MAPK10: variants seen among roughly 807,000 people sequenced by gnomAD.
MAPK10 encodes mitogen-activated protein kinase 10, also known as JNK3 alpha protein kinase.
MAPK10 carries 25 observed loss-of-function variants against 59.3 expected under a neutral mutation model. The ratio of observed to expected loss-of-function variants is 0.42; its 90% CI spans 0.31 to 0.59. The LOEUF (loss-of-function observed/expected upper bound fraction) is 0.59, where lower values mean the gene tolerates loss of function less well. MAPK10 is among the 20% of genes least tolerant of loss of function. The pLI is 0.15. For synonymous variants in MAPK10, 190 were observed against 200.5 expected (o/e 0.95, Z 0.44); for missense variants, 351 against 568.9 (o/e 0.62, Z 3.90).
upstream of MAPK10, among the ~76,000 whole-genome samples, chr4:86,456,809 A>G (rs971007258): frequency 2.0e-5 from 3 of 152,218 alleles, no homozygotes; most frequent in African/African-American, 4.8e-5. Context: ...TCATTCTATG[A>G]AGCCAGTATC....
At position 86,012,584 on chromosome 4, in the gene MAPK10, C is replaced by T. The variant is rs1162819743; in HGVS notation, c.*4644G>A. The T allele has an allele frequency of 6.6e-6, 1 of 152,148 alleles. No individual in the cohort carries two copies. Among genetic ancestry groups the T allele is most frequent in the East Asian group, 1.9e-4 (1 of 5,206 alleles). 9.4% of individuals were successfully genotyped at this position (152,148 alleles called of 1,614,324 possible). The stretch of plus-strand genomic sequence containing the variant: ...ATTACCTAAAAAGAGTCAAAAGAAG[C>T]AGAAGTTCTCCCCCGATTCATCCTC... On this transcript the variant is annotated 3_prime_UTR_variant, in exon 14 of 14. Coordinates refer to ENST00000641462, the MANE Select transcript of MAPK10 (RefSeq NM_138982.4).
In MAPK10 at chr4:86,058,802, C is replaced by T. The variant is rs1185594430; in HGVS notation, c.1110+5464G>A. Reference sequence around the variant, plus strand: ...CAGCTGGTCTTGACTGCTTGGCCTACATATCTGCATCAGCTGTCTCTCTGG... The same window carrying T: ...CAGCTGGTCTTGACTGCTTGGCCTATATATCTGCATCAGCTGTCTCTCTGG... On this transcript the variant is annotated intron_variant, in intron 11 of 13. Coordinates refer to ENST00000641462, the MANE Select transcript of MAPK10 (RefSeq NM_138982.4). 5.3e-5 allele frequency among the ~76,000 whole-genome samples: 8 copies of T among 152,122 alleles called. 1 individual carries two copies. Among genetic ancestry groups the T allele is most frequent in the African/African-American group, 7.2e-5 (3 of 41,418 alleles).
intron 3 of MAPK10, among the ~76,000 whole-genome samples, chr4:86,174,282 C>T (rs1462289904): frequency 3.3e-5 from 5 of 152,254 alleles, no homozygotes; most frequent in East Asian, 1.9e-4. Context: ...TGGAATACTA[C>T]GCAGTCGTAA....
intron 1 of MAPK10, among the ~76,000 whole-genome samples, chr4:86,412,664 T>A (rs1745339249): frequency 6.6e-6 from 1 of 152,228 alleles, no homozygotes. Flanking sequence ...CTTAAATCAC[T>A]GATATCCTTT....
intron 1 of MAPK10, among the ~76,000 whole-genome samples, chr4:86,491,751 T>A (rs572262748): frequency 6.6e-6 from 1 of 152,354 alleles, no homozygotes; most frequent in Non-Finnish European, 1.5e-5. Context: ...TAGTTGTTGT[T>A]TTTGCTGATT....
intron 1 of MAPK10, among the ~76,000 whole-genome samples, chr4:86,392,671 AC>A (rs1413794526): frequency 1.3e-5 from 2 of 152,340 alleles, no homozygotes; most frequent in African/African-American, 2.4e-5. Flanking sequence ...TATCCTCAGT[AC>A]TAAGGATAGT....
At chr4:86,202,785 T>C (rs1267444036) in intron 2 of MAPK10, among the ~76,000 whole-genome samples, 1 of 152,020 alleles carries the variant, frequency 6.6e-6, no homozygotes, top group African/African-American at 2.4e-5. Context: ...ATAATCTTGC[T>C]ATGAAAAGCA....
At chr4:86,256,245 G>A (rs1423659746) in intron 2 of MAPK10, among the ~76,000 whole-genome samples, 1 of 152,162 alleles carries the variant, frequency 6.6e-6, no homozygotes, top group African/African-American at 2.4e-5. Context: ...TCATCCCAGT[G>A]CATGATGAAT....
At chr4:86,454,385 AG>A (rs1258663393), upstream of MAPK10, among the ~76,000 whole-genome samples, 1 of 152,176 alleles carries the variant, frequency 6.6e-6, no homozygotes, top group Non-Finnish European at 1.5e-5. Flanking sequence ...AAGTGAAGGG[AG>A]AAATAGTCAA....
chr4:86,194,618 T>C (rs57237885), intron 2 of MAPK10, among the ~76,000 whole-genome samples: 2 of 152,090 alleles, frequency 1.3e-5, no homozygotes, highest in Non-Finnish European at 2.9e-5. Flanking sequence ...TAATGATCAA[T>C]TCCATCACAC....
At chr4:86,189,954 G>T (rs2079259271) in intron 3 of MAPK10, among the ~76,000 whole-genome samples, 1 of 152,164 alleles carries the variant, frequency 6.6e-6, no homozygotes, top group South Asian at 2.1e-4. Flanking sequence ...TTTTTAGCAT[G>T]AATGGGTGTT....
In MAPK10 at chr4:86,552,604, G is replaced by C. The variant is rs75347752; in HGVS notation, c.-263+41306C>G. Among the ~76,000 whole-genome samples, 12 of 152,136 alleles carry C rather than the reference G, an allele frequency of 7.9e-5. No homozygotes were observed. In the East Asian group the frequency reaches 1.5e-3, roughly 20 times the overall value. On this transcript the variant is annotated intron_variant, in intron 1 of 4. Coordinates refer to the MAPK10 transcript ENST00000502302. ...AAAGAATATGCAGAACCTACTTGTG[G>C]GGAGACAATCCTCTGTGGGTCTCTT... is the stretch of plus-strand genomic sequence containing the variant.
chr4:86,546,413 C>T (rs546705725), intron 1 of MAPK10, among the ~76,000 whole-genome samples: 4 of 151,654 alleles, frequency 2.6e-5, no homozygotes, highest in African/African-American at 7.3e-5. Context: ...AAAAATTAGC[C>T]GGACATGGTG....
At chr4:86,136,997 T>C (rs543460773) in intron 4 of MAPK10, among the ~76,000 whole-genome samples, 48 of 152,228 alleles carry the variant, frequency 3.2e-4, no homozygotes, top group African/African-American at 1.1e-3. Flanking sequence ...ATCCTAAATA[T>C]ATATGCACCC....
At chr4:86,162,308 C>T (rs1187338498) in intron 3 of MAPK10, among the ~76,000 whole-genome samples, 7 of 151,694 alleles carry the variant, frequency 4.6e-5, no homozygotes, top group Non-Finnish European at 7.4e-5. Flanking sequence ...GTATATGTGC[C>T]ATAGTAAACT....
At chr4:86,206,607 T>C (rs1025403631) in intron 2 of MAPK10, among the ~76,000 whole-genome samples, 5 of 152,360 alleles carry the variant, frequency 3.3e-5, no homozygotes, top group South Asian at 4.1e-4. Flanking sequence ...TCTAGATCCC[T>C]GAAGAATCAC....
intron 1 of MAPK10, among the ~76,000 whole-genome samples, chr4:86,417,517 G>T (rs1746004937): frequency 6.6e-6 from 1 of 152,140 alleles, no homozygotes; most frequent in African/African-American, 2.4e-5. Context: ...AAAAGCTATA[G>T]TCCAAGGTCT....
chr4:86,153,718 G>A (rs770978326), intron 4 of MAPK10, among the ~76,000 whole-genome samples: 7 of 152,128 alleles, frequency 4.6e-5, no homozygotes, highest in Non-Finnish European at 8.8e-5. Context: ...TTGATCAATT[G>A]AGAAATATGG....
At chr4:86,413,519 A>C (rs1307941931) in intron 1 of MAPK10, among the ~76,000 whole-genome samples, 1 of 152,136 alleles carries the variant, frequency 6.6e-6, no homozygotes, top group African/African-American at 2.4e-5. Flanking sequence ...CCAGAGGTGG[A>C]ATCTAGAGAG....
Sources: gnomAD v4.1 joint callset for allele counts (sites outside exome capture counted in the v4.1 genomes callset) on GRCh38, gnomAD v4.1.1 for gene constraint, MANE v1.5 for transcripts, NCBI Gene and HGNC (gene_info 2026-07-23, HGNC 2026-07-21) for gene names.